Variants in ME1 observed in about 807,000 individuals in gnomAD.
ME1 encodes the protein malic enzyme 1.
In ME1, 74 loss-of-function variants were observed where a neutral mutation model predicts 66.4. That is an observed-to-expected ratio of 1.11 (90% CI 0.92 to 1.35). ME1 has a LOEUF of 1.35. Among genes scored for constraint, ME1 ranks in the 40% most tolerant of loss-of-function variants. ME1 has a pLI of 0.00. For missense variants in ME1, 750 were observed against 694.1 expected, an observed-to-expected ratio of 1.08 and a Z score of -0.90; for synonymous variants, 251 against 235.6, an observed-to-expected ratio of 1.07 and a Z score of -0.60.
chr6:83,311,731 C>A (rs1767934833), intron 6 of ME1, among the ~76,000 whole-genome samples: 1 of 152,064 alleles, frequency 6.6e-6, no homozygotes, highest in Non-Finnish European at 1.5e-5. Flanking sequence ...ATATAACCAG[C>A]CTGACTGATA....
intron 1 of ME1, among the ~76,000 whole-genome samples, chr6:83,420,664 T>C (rs1770246288): frequency 6.6e-6 from 1 of 152,218 alleles, no homozygotes; most frequent in Admixed American, 6.5e-5. Context: ...TCCCACAAGG[T>C]AGGATGTGAA....
At chr6:83,367,557 T>C (rs1424076930) in intron 3 of ME1, among the ~76,000 whole-genome samples, 1 of 152,224 alleles carries the variant, frequency 6.6e-6, no homozygotes, top group Non-Finnish European at 1.5e-5. Flanking sequence ...GCTTCTCCCT[T>C]AGCACTTGCT....
chr6:83,317,464 TTGTC>T (rs1357365385), intron 5 of ME1, among the ~76,000 whole-genome samples: 1 of 151,638 alleles, frequency 6.6e-6, no homozygotes, highest in Non-Finnish European at 1.5e-5. Flanking sequence ...GGCTCTCTGT[TTGTC>T]TGTTGTTGGT....
intron 5 of ME1, among the ~76,000 whole-genome samples, chr6:83,317,249 CT>C (rs34985325): frequency 0.056 from 8,529 of 152,234 alleles, 304 homozygotes; most frequent in Admixed American, 0.098. Context: ...TTTAAGAAAT[CT>C]CTGAATGATT....
chr6:83,295,622 G>A (rs1375732714), intron 6 of ME1, among the ~76,000 whole-genome samples: 1 of 151,974 alleles, frequency 6.6e-6, no homozygotes, highest in Non-Finnish European at 1.5e-5. Flanking sequence ...CAATTCTCCA[G>A]CCTCAGCAAA....
In ME1 at chr6:83,354,116, T is replaced by C. The variant is rs958340789; in HGVS notation, c.363-1977A>G. On this transcript the variant is annotated intron_variant, in intron 3 of 13. Transcript: ENST00000369705. ...TCCAGCTACACTCACTGATGTAACT[T>C]AAGCACTCTCATGGTTGGTTGTTTA... 2.0e-4 allele frequency among the ~76,000 whole-genome samples: 30 copies of C among 152,176 alleles called. 1 individual carries two copies. The highest frequency in any genetic ancestry group is 1.0e-3 in the Admixed American group (16 of 15,284).
chr6:83,227,176 G>C (rs1005434093), intron 11 of ME1, among the ~76,000 whole-genome samples, 159 bp downstream of exon 11: 2 of 152,090 alleles, frequency 1.3e-5, no homozygotes, highest in Non-Finnish European at 2.9e-5. Flanking sequence ...CAACATTCTA[G>C]AAAAGGAAAT....
intron 3 of ME1, among the ~76,000 whole-genome samples, chr6:83,388,577 T>C (rs1213715015): frequency 6.6e-6 from 1 of 152,202 alleles, no homozygotes; most frequent in Non-Finnish European, 1.5e-5. Context: ...ATTCTCACCA[T>C]TCAAAAGACT....
At chr6:83,374,048 G>A (rs1226821156) in intron 3 of ME1, among the ~76,000 whole-genome samples, 1 of 152,146 alleles carries the variant, frequency 6.6e-6, no homozygotes, top group Non-Finnish European at 1.5e-5. Flanking sequence ...TGACCATAGT[G>A]CTGCAATAAA....
At chr6:83,263,368 G>A (rs1766931242) in intron 6 of ME1, among the ~76,000 whole-genome samples, 1 of 152,096 alleles carries the variant, frequency 6.6e-6, no homozygotes, top group African/African-American at 2.4e-5. Flanking sequence ...TCAAAAGCTT[G>A]AAATGGTTAA....
chr6:83,283,088 C>A (rs1258046122), intron 6 of ME1, among the ~76,000 whole-genome samples: 1 of 149,512 alleles, frequency 6.7e-6, no homozygotes, highest in Non-Finnish European at 1.5e-5. Flanking sequence ...ATTAGCCGGG[C>A]GTGGTAGCGG....
At chr6:83,249,691 G>C (rs1205962415) in intron 7 of ME1, among the ~76,000 whole-genome samples, 1 of 151,514 alleles carries the variant, frequency 6.6e-6, no homozygotes, top group African/African-American at 2.4e-5. Flanking sequence ...ATTCCACTTC[G>C]ACTGACTTCC....
chr6:83,408,919 C>T (rs978261984), intron 1 of ME1, among the ~76,000 whole-genome samples: 1 of 152,062 alleles, frequency 6.6e-6, no homozygotes, highest in African/African-American at 2.4e-5. Context: ...ACATTTGAGT[C>T]CCCCAAAATT....
At position 83,231,392 on chromosome 6, in the gene ME1, T is replaced by A. The variant is rs78184891; in HGVS notation, c.1027-2461A>T. ...TGACTTACAAGTGCTGAAAGAATGC[T>A]GAAAAAAGTCCAGGAATCACGAAAT... On this transcript the variant is annotated intron_variant, in intron 9 of 13. Transcript: ENST00000369705. Among the ~76,000 whole-genome samples, 1,076 of 152,232 alleles carry A rather than the reference T, an allele frequency of 7.1e-3. 9 individuals carry two copies. Among genetic ancestry groups the A allele is most frequent in the Non-Finnish European group, 0.01 (712 of 68,020 alleles).
intron 6 of ME1, among the ~76,000 whole-genome samples, chr6:83,293,975 T>G (rs909002221): frequency 6.6e-6 from 1 of 152,208 alleles, no homozygotes; most frequent in Admixed American, 6.5e-5. Flanking sequence ...GAGACTACAG[T>G]TATAGTCTAA....
chr6:83,229,411 G>A (rs1000699964), intron 9 of ME1, among the ~76,000 whole-genome samples: 1 of 151,904 alleles, frequency 6.6e-6, no homozygotes. Context: ...CATTTTATAT[G>A]TTTTTGTTTT....
At chr6:83,378,195 TG>T (rs560685617) in intron 3 of ME1, among the ~76,000 whole-genome samples, 24 of 142,186 alleles carry the variant, frequency 1.7e-4, no homozygotes, top group African/African-American at 5.7e-4. Context: ...ATTAATACAA[TG>T]GGGGGGTGGG....
intron 9 of ME1, among the ~76,000 whole-genome samples, chr6:83,233,000 C>T (rs1250154910): frequency 2.0e-5 from 3 of 152,086 alleles, no homozygotes; most frequent in African/African-American, 7.2e-5. Flanking sequence ...ATCGATCCTT[C>T]GTAAGGTCTG....
intron 3 of ME1, among the ~76,000 whole-genome samples, chr6:83,363,207 C>T (rs1769038719): frequency 6.6e-6 from 1 of 152,068 alleles, no homozygotes; most frequent in African/African-American, 2.4e-5. Flanking sequence ...GTTCTGCTGG[C>T]CTAGAGGTCT....
Sources: allele counts gnomAD v4.1 joint callset (sites outside exome capture counted in the v4.1 genomes callset), GRCh38; gene constraint gnomAD v4.1.1; transcripts MANE v1.5; gene names NCBI Gene and HGNC (gene_info 2026-07-23, HGNC 2026-07-21).